Variants in SGCZ observed in about 807,000 individuals in gnomAD.
SGCZ encodes zeta-sarcoglycan.
A neutral mutation model predicts 41.3 loss-of-function variants in SGCZ; 40 were observed. The observed-to-expected ratio is 0.97, with a 90% CI of 0.75 to 1.26. The LOEUF (loss-of-function observed/expected upper bound fraction) is 1.26. Among genes scored for constraint, SGCZ ranks in the 50% most tolerant of loss-of-function variants. The pLI is 0.00. For missense variants in SGCZ, 552 were observed against 369.8 expected (o/e 1.49, Z -4.04); for synonymous variants, 206 against 137.5 (o/e 1.50, Z -3.49).
At chr8:14,587,467 T>C (rs1226733349) in intron 1 of SGCZ, among the ~76,000 whole-genome samples, 1 of 151,270 alleles carries the variant, frequency 6.6e-6, no homozygotes, top group Non-Finnish European at 1.5e-5. Context: ...AGCCTAGGAG[T>C]TTGAGACAAG....
chr8:14,147,279 A>C (rs920013970), intron 5 of SGCZ, among the ~76,000 whole-genome samples: 2 of 152,126 alleles, frequency 1.3e-5, no homozygotes, highest in African/African-American at 4.8e-5. Context: ...TGGCTGAATA[A>C]ATGAAAAAAC....
chr8:14,286,240 A>G (rs895076931), intron 3 of SGCZ, among the ~76,000 whole-genome samples: 1 of 152,100 alleles, frequency 6.6e-6, no homozygotes, highest in African/African-American at 2.4e-5. Flanking sequence ...TGTCTATAGC[A>G]TATTTTTCTA....
intron 7 of SGCZ, among the ~76,000 whole-genome samples, chr8:14,100,453 A>G (rs1008170520): frequency 2.0e-5 from 3 of 150,092 alleles, no homozygotes; most frequent in Admixed American, 6.7e-5. Context: ...CTTCCGTCCT[A>G]CTGTGTTAGA....
chr8:15,047,500 TG>T (rs1247839728), intron 1 of SGCZ, among the ~76,000 whole-genome samples: 2 of 152,042 alleles, frequency 1.3e-5, no homozygotes, highest in Non-Finnish European at 2.9e-5. Context: ...ATGTTAGTTA[TG>T]AATTCAAAGA....
At chr8:14,928,605 T>G (rs1235072463) in intron 1 of SGCZ, among the ~76,000 whole-genome samples, 1 of 152,222 alleles carries the variant, frequency 6.6e-6, no homozygotes, top group Non-Finnish European at 1.5e-5. Flanking sequence ...TACACAATTT[T>G]AATCTCATTA....
intron 1 of SGCZ, among the ~76,000 whole-genome samples, chr8:14,914,567 G>T (rs371859848): frequency 1.3e-5 from 2 of 152,000 alleles, no homozygotes; most frequent in Non-Finnish European, 2.9e-5. Context: ...TATCAAGAGC[G>T]TTCTTTTAGT....
intron 1 of SGCZ, among the ~76,000 whole-genome samples, chr8:15,231,512 A>C (rs1362576952): frequency 2.0e-5 from 3 of 151,768 alleles, no homozygotes; most frequent in Non-Finnish European, 4.4e-5. Flanking sequence ...GTCTCTCATC[A>C]GTTTCACTGA....
intron 1 of SGCZ, among the ~76,000 whole-genome samples, chr8:14,887,564 A>C (rs1231559410): frequency 6.6e-6 from 1 of 152,190 alleles, no homozygotes; most frequent in Admixed American, 6.5e-5. Flanking sequence ...AAATATATCT[A>C]TACACATACA....
intron 1 of SGCZ, among the ~76,000 whole-genome samples, chr8:15,063,942 A>C (rs1280824447): frequency 6.6e-6 from 1 of 152,168 alleles, no homozygotes; most frequent in Non-Finnish European, 1.5e-5. Context: ...TCTACACATC[A>C]CACACAAAAA....
At chr8:14,347,407 A>G (rs563188004) in intron 2 of SGCZ, among the ~76,000 whole-genome samples, 2 of 152,248 alleles carry the variant, frequency 1.3e-5, no homozygotes, top group South Asian at 4.1e-4. Context: ...TGTTCTCCAT[A>G]TGTGATTAAT....
chr8:14,311,039 G>C (rs1348395001), intron 3 of SGCZ, among the ~76,000 whole-genome samples: 1 of 152,122 alleles, frequency 6.6e-6, no homozygotes, highest in Admixed American at 6.6e-5. Flanking sequence ...AACTGACCTA[G>C]TCACAGCTTC....
At chr8:15,119,407 G>C (rs964829511) in intron 1 of SGCZ, among the ~76,000 whole-genome samples, 3 of 151,886 alleles carry the variant, frequency 2.0e-5, no homozygotes, top group African/African-American at 7.3e-5. Flanking sequence ...GTCCAGGCCT[G>C]TGGTCCCAGC....
Position 14,896,441 on chromosome 8 carries a change from A to ATTTATTT in SGCZ, c.39+341137_39+341143dup, listed in dbSNP as rs1434852410. On this transcript the variant is annotated intron_variant, in intron 1 of 7. Coordinates refer to ENST00000382080, the MANE Select transcript of SGCZ (RefSeq NM_139167.4). ...TGTTGACTCATGATGGAAGACTTTT[A>ATTTATTT]TTTATTTATTTATTTATTTATTTTA... 4.2e-3 allele frequency among the ~76,000 whole-genome samples: 635 copies of ATTTATTT among 151,568 alleles called. 4 individuals are homozygous for ATTTATTT. The highest frequency in any genetic ancestry group is 0.015 in the African/African-American group (606 of 41,276).
intron 1 of SGCZ, among the ~76,000 whole-genome samples, chr8:14,748,801 C>T (rs1033203816): frequency 6.6e-6 from 1 of 151,918 alleles, no homozygotes; most frequent in African/African-American, 2.4e-5. Flanking sequence ...TTATCATGTG[C>T]CTGGTATTAT....
intron 3 of SGCZ, among the ~76,000 whole-genome samples, chr8:14,253,741 C>A (rs1799367702): frequency 6.6e-6 from 1 of 152,054 alleles, no homozygotes; most frequent in South Asian, 2.1e-4. Context: ...ATAGCTTATT[C>A]TTGCTTTACA....
intron 1 of SGCZ, among the ~76,000 whole-genome samples, chr8:14,842,348 G>A (rs1802950924): frequency 6.7e-6 from 1 of 150,264 alleles, no homozygotes; most frequent in Admixed American, 6.6e-5. Flanking sequence ...GAGAAAAAAA[G>A]GAAGGAAGGA....
chr8:14,270,772 A>G (rs1276522817), intron 3 of SGCZ, among the ~76,000 whole-genome samples: 3 of 152,180 alleles, frequency 2.0e-5, no homozygotes, highest in East Asian at 1.9e-4. Flanking sequence ...TCACATTTAC[A>G]ATAGCAAAGA....
chr8:14,428,532 C>T lies in SGCZ; in HGVS notation c.235-104328G>A, dbSNP rs905178617. Among the ~76,000 whole-genome samples, 9 of 152,160 alleles carry T rather than the reference C, an allele frequency of 5.9e-5. No homozygotes were observed. In the East Asian group the frequency reaches 1.2e-3, roughly 20 times the overall value. ...TATGTATGCAACATAATTTTACTAACGATTGGTTATGACCATCATATCATT... is the reference window on the plus strand; with the variant it reads ...TATGTATGCAACATAATTTTACTAATGATTGGTTATGACCATCATATCATT... On this transcript the variant is annotated intron_variant, in intron 2 of 7. Coordinates refer to ENST00000382080, the MANE Select transcript of SGCZ (RefSeq NM_139167.4).
At chr8:14,860,971 T>C (rs1459088041) in intron 1 of SGCZ, among the ~76,000 whole-genome samples, 1 of 152,208 alleles carries the variant, frequency 6.6e-6, no homozygotes, top group Non-Finnish European at 1.5e-5. Flanking sequence ...ATGAGCTTCA[T>C]ACAGTAGGTA....
Sources: gnomAD v4.1 joint callset for allele counts (sites outside exome capture counted in the v4.1 genomes callset) on GRCh38, gnomAD v4.1.1 for gene constraint, MANE v1.5 for transcripts, NCBI Gene and HGNC (gene_info 2026-07-23, HGNC 2026-07-21) for gene names.